The following LRBA variants were observed in gnomAD, a reference collection of about 807,000 sequenced individuals.
LRBA encodes lipopolysaccharide-responsive and beige-like anchor protein.
LRBA carries 176 observed loss-of-function variants against 330.0 expected under a neutral mutation model. The ratio of observed to expected loss-of-function variants is 0.53; its 90% CI spans 0.47 to 0.60. LRBA has a LOEUF of 0.60. LRBA is among the 20% of genes least tolerant of loss of function. The pLI, the probability that LRBA is intolerant of heterozygous loss-of-function variation, is 0.00. For missense variants in LRBA, 3,259 were observed against 3,444.8 expected, an observed-to-expected ratio of 0.95 and a Z score of 1.35; for synonymous variants, 1,230 against 1,193.0, an observed-to-expected ratio of 1.03 and a Z score of -0.64.
intron 50 of LRBA, among the ~76,000 whole-genome samples, chr4:150,316,580 A>G (rs1284712591): frequency 6.6e-6 from 1 of 152,160 alleles, no homozygotes. Flanking sequence ...CGACTCAGCC[A>G]TTCACCCTGC....
intron 35 of LRBA, among the ~76,000 whole-genome samples, chr4:150,746,793 A>AG (rs1732793703): frequency 6.6e-6 from 1 of 152,090 alleles, no homozygotes; most frequent in Non-Finnish European, 1.5e-5. Context: ...TATAGGTGTG[A>AG]GCCACTACGC....
intron 38 of LRBA, among the ~76,000 whole-genome samples, chr4:150,594,376 G>A (rs955618186): frequency 1.3e-5 from 2 of 151,696 alleles, no homozygotes; most frequent in African/African-American, 4.9e-5. Flanking sequence ...ATGTTTATAT[G>A]TACTGGGGAA....
chr4:150,900,201 T>G lies in LRBA; in HGVS notation c.1772A>C (p.Tyr591Ser), dbSNP rs1321650166. 2 of 1,609,914 alleles carry G rather than the reference T, an allele frequency of 1.2e-6. No homozygotes were observed. Among genetic ancestry groups the G allele is most frequent in the Non-Finnish European group, 1.7e-6 (2 of 1,177,872 alleles). Residue 591 changes from tyrosine (Y) to serine (S), a missense_variant, in exon 14 of 57, where the codon TAT becomes TCT. Coordinates refer to ENST00000651943, the MANE Select transcript of LRBA (RefSeq NM_001364905.1). ...HTPAKVQLML[Y>S]TYLSTEFIGT... ...AATGAATTCCGTGGACAGATAAGTA[T>G]AGAGCATCAGTTGAACCTACAGAAT... is the stretch of plus-strand genomic sequence containing the variant.
chr4:150,611,174 A>C (rs948373503), intron 37 of LRBA, among the ~76,000 whole-genome samples: 1 of 152,180 alleles, frequency 6.6e-6, no homozygotes, highest in African/African-American at 2.4e-5. Context: ...TCTTTTAAGA[A>C]GTATATTACA....
intron 34 of LRBA, among the ~76,000 whole-genome samples, chr4:150,781,010 G>C (rs1006022659): frequency 1.5e-4 from 23 of 152,056 alleles, no homozygotes; most frequent in African/African-American, 5.5e-4. Flanking sequence ...CTCTCGAGTA[G>C]CTGGGACTAC....
intron 34 of LRBA, among the ~76,000 whole-genome samples, chr4:150,777,911 T>C (rs912829519): frequency 7.1e-6 from 1 of 140,396 alleles, no homozygotes; most frequent in South Asian, 2.2e-4. Context: ...GAGGCAGAGG[T>C]TGCAGTGAGC....
chr4:150,417,749 A>G (rs1747986141), intron 46 of LRBA, among the ~76,000 whole-genome samples: 1 of 152,204 alleles, frequency 6.6e-6, no homozygotes. Context: ...GATGCATAAT[A>G]AAATATACCT....
At chr4:150,339,834 G>T (rs1245806645) in intron 48 of LRBA, among the ~76,000 whole-genome samples, 2 of 147,180 alleles carry the variant, frequency 1.4e-5, no homozygotes, top group African/African-American at 5.0e-5. Context: ...AATTTACGTT[G>T]CTCCTTTTCC....
chr4:150,430,285 A>G (rs1466172260), intron 46 of LRBA, among the ~76,000 whole-genome samples: 1 of 152,158 alleles, frequency 6.6e-6, no homozygotes, highest in Non-Finnish European at 1.5e-5. Flanking sequence ...GGCAATACAT[A>G]TGTCAACACC....
chr4:150,785,222 G>A (rs537676593), intron 34 of LRBA, among the ~76,000 whole-genome samples: 174 of 152,256 alleles, frequency 1.1e-3, no homozygotes, highest in Admixed American at 2.2e-3. Flanking sequence ...AGTTCGGGGC[G>A]GGGGCGTGGG....
At chr4:150,458,005 A>T (rs1312260597) in intron 44 of LRBA, among the ~76,000 whole-genome samples, 1 of 151,992 alleles carries the variant, frequency 6.6e-6, no homozygotes. Flanking sequence ...TCACCCTGAC[A>T]GTAATATTAA....
chr4:150,677,617 G>T (rs1782669078), intron 37 of LRBA, among the ~76,000 whole-genome samples: 1 of 150,616 alleles, frequency 6.6e-6, no homozygotes. Flanking sequence ...GAAATTATGT[G>T]GTTTTTTGCT....
At position 150,886,576 on chromosome 4, in the gene LRBA, G is replaced by A. The variant is rs531891147; in HGVS notation, c.2165+6476C>T. ...GCAAACTAGTCTGTCTCCCTGGATC[G>A]AAGGGGAAAAACCAAAGAATGAAAG... On this transcript the variant is annotated intron_variant, in intron 17 of 56. Transcript: ENST00000651943. Among the ~76,000 whole-genome samples the A allele has an allele frequency of 3.9e-5, 6 of 152,248 alleles. No individual in the cohort carries two copies. In the East Asian group the frequency reaches 1.2e-3, roughly 29 times the overall value.
chr4:150,376,386 C>T (rs1581149988), intron 47 of LRBA, among the ~76,000 whole-genome samples: 1 of 152,204 alleles, frequency 6.6e-6, no homozygotes, highest in African/African-American at 2.4e-5. Flanking sequence ...TTGTGGTTTT[C>T]GCCTAAATAA....
At chr4:150,848,592 G>A (rs1750184652) in intron 26 of LRBA, among the ~76,000 whole-genome samples, 1 of 148,590 alleles carries the variant, frequency 6.7e-6, no homozygotes, top group Non-Finnish European at 1.5e-5. Flanking sequence ...ATAGGGGAGA[G>A]TGGAAACTCC....
chr4:150,658,273 A>G (rs757807301), intron 37 of LRBA, among the ~76,000 whole-genome samples: 13 of 151,838 alleles, frequency 8.6e-5, no homozygotes, highest in South Asian at 2.1e-4. Context: ...AAAAAGGTAT[A>G]TGAAATACAT....
At chr4:150,324,092 C>T (rs1316676551) in intron 49 of LRBA, among the ~76,000 whole-genome samples, 1 of 152,138 alleles carries the variant, frequency 6.6e-6, no homozygotes, top group East Asian at 1.9e-4. Context: ...GACGGCCTCC[C>T]ATCCTTATAT....
At chr4:150,576,179 G>A (rs1055545416) in intron 40 of LRBA, among the ~76,000 whole-genome samples, 6 of 137,526 alleles carry the variant, frequency 4.4e-5, no homozygotes, top group Admixed American at 7.2e-5. Context: ...AAAAAAAAAG[G>A]AGGAGGGGAG....
At chr4:150,933,524 T>A (rs569699990) in intron 2 of LRBA, among the ~76,000 whole-genome samples, 11 of 152,176 alleles carry the variant, frequency 7.2e-5, no homozygotes, top group African/African-American at 2.6e-4. Context: ...TAGGCTACAA[T>A]TTGAGTGTAA....
Sources: allele counts gnomAD v4.1 joint callset (sites outside exome capture counted in the v4.1 genomes callset), GRCh38; gene constraint gnomAD v4.1.1; transcripts MANE v1.5; gene names NCBI Gene and HGNC (gene_info 2026-07-23, HGNC 2026-07-21).